The following HRH3 variants were observed in gnomAD, a reference collection of about 807,000 sequenced individuals.
HRH3 encodes the protein histamine receptor H3.
A neutral mutation model predicts 21.6 loss-of-function variants in HRH3; 13 were observed. The ratio of observed to expected loss-of-function variants is 0.60; its 90% CI spans 0.39 to 0.96. HRH3 has a LOEUF of 0.96. Ranked by LOEUF, HRH3 falls within the 40% of genes least tolerant of loss-of-function variation. HRH3 has a pLI of 0.00. For missense variants in HRH3, 461 were observed against 622.7 expected, an observed-to-expected ratio of 0.74 and a Z score of 2.76; for synonymous variants, 276 against 290.3, an observed-to-expected ratio of 0.95 and a Z score of 0.50.
rs1978483251 is a variant in HRH3, at chr20:62,215,204, C to T, written c.*802G>A. 2 of 392,986 alleles carry T rather than the reference C, an allele frequency of 5.1e-6. No homozygotes were observed. Among genetic ancestry groups the T allele is most frequent in the Admixed American group, 2.9e-5 (1 of 34,948 alleles). 24.3% of individuals were successfully genotyped at this position (392,986 alleles called of 1,614,324 possible). A position where few individuals can be genotyped will look rare whatever the true frequency, so the allele number is the denominator to read the frequency against. ...GAGCAAACAGAGTGGCCGGGGCAGG[C>T]TTGGCCACCAGGGCTGGTGTGAGCC... is the stretch of plus-strand genomic sequence containing the variant. On this transcript the variant is annotated 3_prime_UTR_variant, in exon 3 of 3. Coordinates refer to ENST00000340177, the MANE Select transcript of HRH3 (RefSeq NM_007232.3).
chr20:62,219,633 G>C lies in HRH3; in HGVS notation c.250+88C>G. 6.8e-7 allele frequency: 1 copy of C among 1,480,624 alleles called. No individual in the cohort carries two copies. Among genetic ancestry groups the C allele is most frequent in the Non-Finnish European group, 9.0e-7 (1 of 1,111,678 alleles). The allele number at this position is 1,480,624 out of a possible 1,614,324, so 91.7% of individuals were successfully genotyped here. A position where few individuals can be genotyped will look rare whatever the true frequency, so the allele number is the denominator to read the frequency against. ...CCCCTGGTGGGGCGTGTGCCTGCGG[G>C]AGCCACCCAGGTCCGTGTTCCAGTC... On this transcript the variant is annotated intron_variant, in intron 1 of 2. Transcript: ENST00000340177. This position sits in a 1 kb window ranked among gnomAD's most constrained non-coding sequence, Gnocchi z 8.7.
At position 62,216,393 on chromosome 20, in the gene HRH3, C is replaced by G; in HGVS notation, c.951G>C (p.Pro317=). The G allele has an allele frequency of 1.3e-6, 2 of 1,548,718 alleles. No homozygotes were observed. The highest frequency in any genetic ancestry group is 1.7e-6 in the Non-Finnish European group (2 of 1,144,202). Residue 317 remains proline, a synonymous_variant, in exon 3 of 3, where the codon CCG becomes CCC. Transcript: ENST00000340177. Reference sequence around the variant, plus strand: ...GCTTGGAGCCCCTCTTGAGTGAGCGCGGCCTCTCAGTGCCCCTCGAGGAGC... The same window carrying G: ...GCTTGGAGCCCCTCTTGAGTGAGCGGGGCCTCTCAGTGCCCCTCGAGGAGC... ...SGSSSRGTER[P]RSLKRGSKPS...
rs1978599557 is a variant in HRH3 at position 62,217,076 on chromosome 20, C to G, written c.418-150G>C. On this transcript the variant is annotated intron_variant, in intron 2 of 2. Transcript: ENST00000340177. ...TCCTCCCTCCCTCCCTCTTTCCCCT[C>G]CCTTCCTCTAACCCTCCCCACTGGG... is the stretch of plus-strand genomic sequence containing the variant. 3 of 804,474 alleles carry G rather than the reference C, an allele frequency of 3.7e-6. No homozygotes were observed. The South Asian group carries it at 5.5e-5, about 15-fold the overall frequency. The allele number at this position is 804,474 out of a possible 1,614,324, so 49.8% of individuals were successfully genotyped here. A position where few individuals can be genotyped will look rare whatever the true frequency, so the allele number is the denominator to read the frequency against.
At chr20:62,217,053 C>T (rs1426963016) in intron 2 of HRH3, 127 bp from the exon 3 acceptor site, 3 of 862,548 alleles carry the variant, frequency 3.5e-6, no homozygotes. Context: ...CCCTCCTGTC[C>T]TCCCTCCCTC....
Position 62,219,046 on chromosome 20 carries a change from T to C in HRH3, c.251-389A>G, listed in dbSNP as rs955841346. 6.6e-6 allele frequency among the ~76,000 whole-genome samples: 1 copy of C among 150,624 alleles called. No individual in the cohort carries two copies. Among genetic ancestry groups the C allele is most frequent in the Non-Finnish European group, 1.5e-5 (1 of 67,652 alleles). On this transcript the variant is annotated intron_variant, in intron 1 of 2. Transcript: ENST00000340177. The surrounding 1 kb of genome is among the most constrained non-coding windows in gnomAD (Gnocchi z 8.7). The stretch of plus-strand genomic sequence containing the variant: ...CCCCGCTGGACTCCAGCCCCTACCC[T>C]GGCGCTGGACAACCCTCGGTCTCAG...
chr20:62,216,220 G>A lies in HRH3; in HGVS notation c.1124C>T (p.Thr375Met). ...GGCGGCCCGGATGATCATCAGCAGCGTGTATGGGGCCCAGCAGAGCCCAAA... is the reference window on the plus strand; with the variant it reads ...GGCGGCCCGGATGATCATCAGCAGCATGTATGGGGCCCAGCAGAGCCCAAA... The part of the protein sequence containing the change: ...SIFGLCWAPY[T>M]LLMIIRAACH... Residue 375 changes from threonine to methionine, a missense_variant, in exon 3 of 3, where the codon ACG becomes ATG. By Grantham distance (81) the Thr-to-Met change is moderately conservative. Coordinates refer to ENST00000340177, the MANE Select transcript of HRH3 (RefSeq NM_007232.3). The A allele has an allele frequency of 1.9e-6, 3 of 1,613,062 alleles. No homozygotes were observed. The highest frequency in any genetic ancestry group is 2.5e-6 in the Non-Finnish European group (3 of 1,179,982).
At position 62,216,141 on chromosome 20, in the gene HRH3, C is replaced by T; in HGVS notation, c.1203G>A (p.Leu401=). 1 of 1,613,330 alleles carries T rather than the reference C, an allele frequency of 6.2e-7. No homozygotes were observed. The highest frequency in any genetic ancestry group is 8.5e-7 in the Non-Finnish European group (1 of 1,179,978). The part of the protein sequence containing the change: ...DYWYETSFWL[L]WANSAVNPVL... Reference sequence around the variant, plus strand: ...CAGGGTTGACAGCCGAGTTGGCCCACAGGAGCCAGAAGGAGGTTTCGTACC... The same window carrying T: ...CAGGGTTGACAGCCGAGTTGGCCCATAGGAGCCAGAAGGAGGTTTCGTACC... Residue 401 remains leucine (L), a synonymous_variant, in exon 3 of 3, where the codon CTG becomes CTA. Coordinates refer to ENST00000340177, the MANE Select transcript of HRH3 (RefSeq NM_007232.3).
rs1234588285 is a variant in HRH3 at position 62,215,986 on chromosome 20, G to T, written c.*20C>A. 1 of 1,544,114 alleles carries T rather than the reference G, an allele frequency of 6.5e-7. No individual in the cohort carries two copies. Among genetic ancestry groups the T allele is most frequent in the South Asian group, 1.2e-5 (1 of 83,590 alleles). On this transcript the variant is annotated 3_prime_UTR_variant, in exon 3 of 3. Coordinates refer to ENST00000340177, the MANE Select transcript of HRH3 (RefSeq NM_007232.3). ...CCTGGGCTGAGAGAGGCGTGGCTGA[G>T]GGAGGCTCTGGTGGGCCACTCACTT...
At position 62,220,083 on chromosome 20, in the gene HRH3, T is replaced by A. The variant is rs1308351590; in HGVS notation, c.-113A>T. On this transcript the variant is annotated 5_prime_UTR_variant, in exon 1 of 3. Coordinates refer to ENST00000340177, the MANE Select transcript of HRH3 (RefSeq NM_007232.3). ...TCGTCTTTGCGGGCCCTTGGCCGGGTCGGGTTCCCCTGGGGGCGCCCAGCG... is the reference window on the plus strand; with the variant it reads ...TCGTCTTTGCGGGCCCTTGGCCGGGACGGGTTCCCCTGGGGGCGCCCAGCG... 6.5e-6 allele frequency: 6 copies of A among 923,932 alleles called. No homozygotes were observed. The highest frequency in any genetic ancestry group is 7.7e-6 in the Non-Finnish European group (6 of 775,648). The allele number at this position is 923,932 out of a possible 1,614,324, so 57.2% of individuals were successfully genotyped here.
rs991373423 is a variant in HRH3, at chr20:62,218,104, G to C, written c.417+387C>G. On this transcript the variant is annotated intron_variant, in intron 2 of 2. Coordinates refer to ENST00000340177, the MANE Select transcript of HRH3 (RefSeq NM_007232.3). This position sits in a 1 kb window ranked among gnomAD's most constrained non-coding sequence, Gnocchi z 5.6. ...GAAATCTGCGGAGCCAGGATCTGCC[G>C]CCTGCCTTCCCGGGGCCTGTGTGTG... 3.3e-5 allele frequency among the ~76,000 whole-genome samples: 5 copies of C among 152,200 alleles called. No homozygotes were observed. Among genetic ancestry groups the C allele is most frequent in the Non-Finnish European group, 7.4e-5 (5 of 68,018 alleles).
rs553428362 is a variant in HRH3, at chr20:62,219,459, G to A, written c.250+262C>T. Among the ~76,000 whole-genome samples the A allele has an allele frequency of 6.6e-6, 1 of 152,286 alleles. No homozygotes were observed. The highest frequency in any genetic ancestry group is 2.4e-5 in the African/African-American group (1 of 41,578). On this transcript the variant is annotated intron_variant, in intron 1 of 2. Transcript: ENST00000340177. The surrounding 1 kb of genome is among the most constrained non-coding windows in gnomAD (Gnocchi z 8.7). Reference sequence around the variant, plus strand: ...CAGCGCAGGAGCCAGAGCTGCACCCGCTGCCTTTGCGCCTTGCGCCTCGCC... The same window carrying A: ...CAGCGCAGGAGCCAGAGCTGCACCCACTGCCTTTGCGCCTTGCGCCTCGCC...
Position 62,218,445 on chromosome 20 carries a change from G to C in HRH3, c.417+46C>G. The stretch of plus-strand genomic sequence containing the variant: ...CCCAGGTGCCTCCCATGGGCGTCCC[G>C]ACTGTCCCTGCGGAGTGAACAGGAG... On this transcript the variant is annotated intron_variant, in intron 2 of 2. Coordinates refer to ENST00000340177, the MANE Select transcript of HRH3 (RefSeq NM_007232.3). The surrounding 1 kb of genome is among the most constrained non-coding windows in gnomAD (Gnocchi z 5.6). 6.3e-7 allele frequency: 1 copy of C among 1,589,726 alleles called. No individual in the cohort carries two copies. Among genetic ancestry groups the C allele is most frequent in the East Asian group, 2.3e-5 (1 of 44,156 alleles).
Position 62,217,173 on chromosome 20 carries a change from T to A in HRH3, c.418-247A>T, listed in dbSNP as rs1007891972. 7.3e-4 allele frequency among the ~76,000 whole-genome samples: 111 copies of A among 151,888 alleles called. 1 individual carries two copies. The highest frequency in any genetic ancestry group is 1.1e-3 in the Non-Finnish European group (74 of 67,952). On this transcript the variant is annotated intron_variant, in intron 2 of 2. Transcript: ENST00000340177. Reference sequence around the variant, plus strand: ...CCCTGGGACCAACCTGAACCCTCACTCTCTGCTAGGCTGCCTGTTTACCAC... The same window carrying A: ...CCCTGGGACCAACCTGAACCCTCACACTCTGCTAGGCTGCCTGTTTACCAC...
chr20:62,218,136 C>T lies in HRH3; in HGVS notation c.417+355G>A, dbSNP rs117244202. The stretch of plus-strand genomic sequence containing the variant: ...TTCCCGGGGCCTGTGTGTGTGTGCA[C>T]GCTGCACACACGCATGTGGGAGGGA... On this transcript the variant is annotated intron_variant, in intron 2 of 2. Transcript: ENST00000340177. This position sits in a 1 kb window ranked among gnomAD's most constrained non-coding sequence, Gnocchi z 5.6. Among the ~76,000 whole-genome samples the T allele has an allele frequency of 4.5e-3, 678 of 152,312 alleles. 4 individuals are homozygous for T. The highest frequency in any genetic ancestry group is 7.7e-3 in the Non-Finnish European group (526 of 68,014).
chr20:62,215,902 G>A lies in HRH3; in HGVS notation c.*104C>T, dbSNP rs1243424838. ...TTAAGAGAGGGCCACAGACACGGCG[G>A]GGCTCACCCCTGGGGGAACGAGCCG... On this transcript the variant is annotated 3_prime_UTR_variant, in exon 3 of 3. Coordinates refer to ENST00000340177, the MANE Select transcript of HRH3 (RefSeq NM_007232.3). 1 of 1,130,618 alleles carries A rather than the reference G, an allele frequency of 8.8e-7. No homozygotes were observed. Among genetic ancestry groups the A allele is most frequent in the East Asian group, 2.6e-5 (1 of 38,672 alleles). The allele number at this position is 1,130,618 out of a possible 1,614,324, so 70.0% of individuals were successfully genotyped here. A position where few individuals can be genotyped will look rare whatever the true frequency, so the allele number is the denominator to read the frequency against.
Position 62,219,618 on chromosome 20 carries a change from G to A in HRH3, c.250+103C>T, listed in dbSNP as rs1186939140. The A allele has an allele frequency of 3.5e-6, 5 of 1,418,654 alleles. No individual in the cohort carries two copies. The highest frequency in any genetic ancestry group is 3.8e-6 in the Non-Finnish European group (4 of 1,062,830). 87.9% of individuals were successfully genotyped at this position (1,418,654 alleles called of 1,614,324 possible). ...CTTCCCAGGCCGGGTCCCCTGGTGG[G>A]GCGTGTGCCTGCGGGAGCCACCCAG... is the stretch of plus-strand genomic sequence containing the variant. On this transcript the variant is annotated intron_variant, in intron 1 of 2. Coordinates refer to ENST00000340177, the MANE Select transcript of HRH3 (RefSeq NM_007232.3). The surrounding 1 kb of genome is among the most constrained non-coding windows in gnomAD (Gnocchi z 8.7).
At position 62,219,980 on chromosome 20, in the gene HRH3, G is replaced by A; in HGVS notation, c.-10C>T. On this transcript the variant is annotated 5_prime_UTR_variant, in exon 1 of 3. Coordinates refer to ENST00000340177, the MANE Select transcript of HRH3 (RefSeq NM_007232.3). This position sits in a 1 kb window ranked among gnomAD's most constrained non-coding sequence, Gnocchi z 8.7. ...GCGGCGCGCGCTCCATGGCCCCGCA[G>A]GCTCACGCGGCTCCGGGACGCGGGG... The A allele has an allele frequency of 9.9e-7, 1 of 1,014,758 alleles. No individual in the cohort carries two copies. Among genetic ancestry groups the A allele is most frequent in the Middle Eastern group, 4.9e-4 (1 of 2,052 alleles). The allele number at this position is 1,014,758 out of a possible 1,614,324, so 62.9% of individuals were successfully genotyped here.
rs1455665556 is a variant in HRH3 at position 62,215,928 on chromosome 20, G to T, written c.*78C>A. On this transcript the variant is annotated 3_prime_UTR_variant, in exon 3 of 3. Coordinates refer to ENST00000340177, the MANE Select transcript of HRH3 (RefSeq NM_007232.3). ...GGCTCACCCCTGGGGGAACGAGCCG[G>T]GTAGGGGGCAGCAGGGCCAGATGCC... 5 of 1,374,480 alleles carry T rather than the reference G, an allele frequency of 3.6e-6. No homozygotes were observed. Among genetic ancestry groups the T allele is most frequent in the Non-Finnish European group, 4.9e-6 (5 of 1,024,978 alleles). 85.1% of individuals were successfully genotyped at this position (1,374,480 alleles called of 1,614,324 possible). A position where few individuals can be genotyped will look rare whatever the true frequency, so the allele number is the denominator to read the frequency against.
chr20:62,215,929 G>A lies in HRH3; in HGVS notation c.*77C>T. 2 of 1,379,844 alleles carry A rather than the reference G, an allele frequency of 1.4e-6. No individual in the cohort carries two copies. The highest frequency in any genetic ancestry group is 1.9e-6 in the Non-Finnish European group (2 of 1,029,320). The allele number at this position is 1,379,844 out of a possible 1,614,324, so 85.5% of individuals were successfully genotyped here. A position where few individuals can be genotyped will look rare whatever the true frequency, so the allele number is the denominator to read the frequency against. Reference sequence around the variant, plus strand: ...GCTCACCCCTGGGGGAACGAGCCGGGTAGGGGGCAGCAGGGCCAGATGCCC... The same window carrying A: ...GCTCACCCCTGGGGGAACGAGCCGGATAGGGGGCAGCAGGGCCAGATGCCC... On this transcript the variant is annotated 3_prime_UTR_variant, in exon 3 of 3. Transcript: ENST00000340177.
Sources: gnomAD v4.1 joint callset for allele counts (sites outside exome capture counted in the v4.1 genomes callset) on GRCh38, gnomAD v4.1.1 for gene constraint, Gnocchi (gnomAD v3.1) non-coding constraint, MANE v1.5 for transcripts, NCBI Gene and HGNC (gene_info 2026-07-23, HGNC 2026-07-21) for gene names.